The following RUNX2 variants were observed in gnomAD, a reference collection of about 807,000 sequenced individuals.
RUNX2 encodes RUNX family transcription factor 2.
A neutral mutation model predicts 51.7 loss-of-function variants in RUNX2; 10 were observed. That is an observed-to-expected ratio of 0.19 (90% CI 0.12 to 0.33). The LOEUF is 0.33. Among genes scored for constraint, RUNX2 ranks in the 10% least tolerant of loss-of-function variants. The pLI is 1.00. For missense variants in RUNX2, 562 were observed against 691.3 expected (o/e 0.81, Z 2.10); for synonymous variants, 276 against 273.6 (o/e 1.01, Z -0.09).
chr6:45,350,719 A>C (rs1791838755), intron 2 of RUNX2, among the ~76,000 whole-genome samples: 1 of 152,216 alleles, frequency 6.6e-6, no homozygotes, highest in African/African-American at 2.4e-5. Context: ...AACACATGAA[A>C]ACAACAAAAA....
chr6:45,491,992 T>C lies in RUNX2; in HGVS notation c.737T>C (p.Leu246Pro), dbSNP rs745752587. 13 of 1,613,864 alleles carry C rather than the reference T, an allele frequency of 8.1e-6. No individual in the cohort carries two copies. Among genetic ancestry groups the C allele is most frequent in the Non-Finnish European group, 1.1e-5 (13 of 1,179,944 alleles). Residue 246 changes from leucine (L) to proline (P), a missense_variant, in exon 6 of 9, where the codon CTC becomes CCC. Leu to Pro is a moderately conservative substitution (Grantham distance 98, BLOSUM62 -3). Transcript: ENST00000647337. ...DSKPSLFSDR[L>P]SDLGRIPHPS... The stretch of plus-strand genomic sequence containing the variant: ...AAACCTAGTTTGTTCTCTGACCGCC[T>C]CAGTGATTTAGGGCGCATTCCTCAT...
At chr6:45,484,894 T>G (rs578206119) in intron 5 of RUNX2, among the ~76,000 whole-genome samples, 1 of 152,356 alleles carries the variant, frequency 6.6e-6, no homozygotes, top group East Asian at 1.9e-4. Flanking sequence ...TGTGGACATA[T>G]AACCAATTTT....
At chr6:45,525,722 C>T (rs1332008955) in intron 7 of RUNX2, among the ~76,000 whole-genome samples, 9 of 152,098 alleles carry the variant, frequency 5.9e-5, no homozygotes, top group East Asian at 1.9e-4. Context: ...CGGCTGGGTG[C>T]GGTGGCTCAC....
intron 5 of RUNX2, among the ~76,000 whole-genome samples, chr6:45,483,624 A>G (rs1800177174): frequency 6.6e-6 from 1 of 152,232 alleles, no homozygotes; most frequent in Admixed American, 6.5e-5. Flanking sequence ...CCTACTGCAC[A>G]TAAGCATAAC....
chr6:45,375,162 G>A (rs1418686330), intron 2 of RUNX2, among the ~76,000 whole-genome samples: 4 of 152,144 alleles, frequency 2.6e-5, no homozygotes, highest in Non-Finnish European at 5.9e-5. Context: ...AGCTGAGATC[G>A]CACCATTGTA....
intron 5 of RUNX2, among the ~76,000 whole-genome samples, chr6:45,464,578 C>T (rs982241409): frequency 4.1e-4 from 62 of 152,264 alleles, no homozygotes; most frequent in African/African-American, 1.4e-3. Context: ...CTATCTGTTG[C>T]TTTACTCTCT....
At chr6:45,465,843 A>G (rs1257216879) in intron 5 of RUNX2, among the ~76,000 whole-genome samples, 1 of 148,504 alleles carries the variant, frequency 6.7e-6, no homozygotes, top group African/African-American at 2.5e-5. Flanking sequence ...ACAGGGTTTC[A>G]CCATGTTGCC....
At chr6:45,454,756 C>T (rs1271532165) in intron 5 of RUNX2, among the ~76,000 whole-genome samples, 2 of 152,144 alleles carry the variant, frequency 1.3e-5, no homozygotes, top group Non-Finnish European at 2.9e-5. Context: ...TCTATTCCTA[C>T]TTCTATTCCT....
At chr6:45,416,192 T>A (rs575860805) in intron 2 of RUNX2, among the ~76,000 whole-genome samples, 11 of 152,196 alleles carry the variant, frequency 7.2e-5, no homozygotes, top group Non-Finnish European at 2.9e-5. Flanking sequence ...AGAACCAAGT[T>A]GAACTCTTAC....
chr6:45,382,159 C>A (rs139944286), intron 2 of RUNX2, among the ~76,000 whole-genome samples: 176 of 152,274 alleles, frequency 1.2e-3, no homozygotes, highest in African/African-American at 4.0e-3. Flanking sequence ...AACTCTTGTA[C>A]TGGAATCAAA....
At chr6:45,406,694 T>A (rs1180228686) in intron 2 of RUNX2, among the ~76,000 whole-genome samples, 2 of 152,120 alleles carry the variant, frequency 1.3e-5, no homozygotes, top group African/African-American at 4.8e-5. Context: ...TTACATTTAG[T>A]TTTATTGCAT....
chr6:45,500,615 G>C (rs1455790936), intron 6 of RUNX2, among the ~76,000 whole-genome samples: 1 of 152,150 alleles, frequency 6.6e-6, no homozygotes, highest in Non-Finnish European at 1.5e-5. Context: ...TGAAGGTGTA[G>C]GGGGAAAGAT....
chr6:45,390,023 A>G lies in RUNX2; in HGVS notation c.59-32570A>G, dbSNP rs918135151. Among the ~76,000 whole-genome samples the G allele has an allele frequency of 6.6e-5, 10 of 151,560 alleles. No homozygotes were observed. In the South Asian group the frequency reaches 1.5e-3, roughly 22 times the overall value. On this transcript the variant is annotated intron_variant, in intron 2 of 8. Transcript: ENST00000647337. Reference sequence around the variant, plus strand: ...TCTGTCTCAAAAAAAAAAAAAAGTTATTTCACATTCCAATTCTGTGGAGGT... The same window carrying G: ...TCTGTCTCAAAAAAAAAAAAAAGTTGTTTCACATTCCAATTCTGTGGAGGT...
At chr6:45,398,096 G>A (rs1276992395) in intron 2 of RUNX2, among the ~76,000 whole-genome samples, 1 of 152,192 alleles carries the variant, frequency 6.6e-6, no homozygotes, top group African/African-American at 2.4e-5. Context: ...TGGGACACAT[G>A]GACATAGAAT....
At chr6:45,393,508 C>T (rs544309280) in intron 2 of RUNX2, among the ~76,000 whole-genome samples, 3 of 152,072 alleles carry the variant, frequency 2.0e-5, no homozygotes, top group South Asian at 4.1e-4. Flanking sequence ...CAGCTCACTG[C>T]AACCTCTGCC....
At chr6:45,344,188 G>C (rs1037167186) in intron 2 of RUNX2, among the ~76,000 whole-genome samples, 1 of 152,164 alleles carries the variant, frequency 6.6e-6, no homozygotes, top group Non-Finnish European at 1.5e-5. Flanking sequence ...AGTATACAAA[G>C]AGTTAGACCA....
chr6:45,496,703 G>T (rs1800659747), intron 6 of RUNX2, among the ~76,000 whole-genome samples: 1 of 152,192 alleles, frequency 6.6e-6, no homozygotes. Context: ...TACCAGTGTA[G>T]TGGGGGATGT....
At chr6:45,526,523 GA>G (rs1353758165) in intron 7 of RUNX2, among the ~76,000 whole-genome samples, 2 of 152,106 alleles carry the variant, frequency 1.3e-5, no homozygotes, top group African/African-American at 4.8e-5. Flanking sequence ...TCTATTTAAA[GA>G]AAATATGATT....
At chr6:45,505,119 C>T (rs527623350) in intron 6 of RUNX2, among the ~76,000 whole-genome samples, 31 of 152,298 alleles carry the variant, frequency 2.0e-4, no homozygotes, top group African/African-American at 7.0e-4. Context: ...AAGTTCAGCA[C>T]CCTGTCCCTG....
Sources: allele counts gnomAD v4.1 joint callset (sites outside exome capture counted in the v4.1 genomes callset), GRCh38; gene constraint gnomAD v4.1.1; transcripts MANE v1.5; gene names NCBI Gene and HGNC (gene_info 2026-07-23, HGNC 2026-07-21).